Variants in CPNE2 observed in about 807,000 individuals in gnomAD.
CPNE2 encodes the protein copine 2, also known as copine-2.
Under a neutral mutation model 69.7 loss-of-function variants are expected in CPNE2, and 42 were observed. The observed-to-expected ratio is 0.60, with a 90% CI of 0.47 to 0.78. CPNE2 has a LOEUF of 0.78. CPNE2 is among the 30% of genes least tolerant of loss of function. The pLI is 0.00. For missense variants in CPNE2, 587 were observed against 732.0 expected, an observed-to-expected ratio of 0.80 and a Z score of 2.29; for synonymous variants, 294 against 289.8, an observed-to-expected ratio of 1.01 and a Z score of -0.15.
intron 4 of CPNE2, among the ~76,000 whole-genome samples, chr16:57,115,871 C>G (rs2069715577): frequency 6.6e-6 from 1 of 152,232 alleles, no homozygotes; most frequent in South Asian, 2.1e-4. Context: ...GCAATGATTC[C>G]TGCAATGCGC....
rs2305692 is a variant in CPNE2, at chr16:57,137,325, C to T, written c.1302+43C>T. 789 of 1,609,240 alleles carry T rather than the reference C, an allele frequency of 4.9e-4. 10 individuals are homozygous for T. In the East Asian group the frequency reaches 0.013, roughly 27 times the overall value. The stretch of plus-strand genomic sequence containing the variant: ...AGCCAGTCATGCCAGGAAACACGCA[C>T]GTCCTCTGGGCTGGGGGGCAGGATA... On this transcript the variant is annotated intron_variant, in intron 14 of 15. Transcript: ENST00000290776.
chr16:57,122,905 CTTTTT>C (rs34556326), intron 9 of CPNE2, among the ~76,000 whole-genome samples: 1 of 145,586 alleles, frequency 6.9e-6, no homozygotes, highest in Non-Finnish European at 1.5e-5. Context: ...TTTCTTTTCT[CTTTTT>C]TTTTTTTTTT....
chr16:57,101,351 G>A (rs1403247761), intron 1 of CPNE2, among the ~76,000 whole-genome samples: 1 of 152,228 alleles, frequency 6.6e-6, no homozygotes, highest in Non-Finnish European at 1.5e-5. Context: ...GAAATGGGAT[G>A]AAGGAGGCAA....
chr16:57,107,423 G>A (rs1025612744), intron 1 of CPNE2, among the ~76,000 whole-genome samples: 2 of 152,170 alleles, frequency 1.3e-5, no homozygotes, highest in East Asian at 3.9e-4. Context: ...GGGGAAGCTG[G>A]GAGGTCTCCG....
At chr16:57,117,811 C>T (rs1340488453) in intron 5 of CPNE2, among the ~76,000 whole-genome samples, 17 of 152,170 alleles carry the variant, frequency 1.1e-4, no homozygotes, top group African/African-American at 4.1e-4. Context: ...CCCCATCTCA[C>T]TTAGTGTAAG....
intron 14 of CPNE2, chr16:57,145,811 G>A: frequency 2.1e-6 from 1 of 481,392 alleles, no homozygotes; most frequent in Non-Finnish European, 3.8e-6. Context: ...GGCTCTCAGA[G>A]GCCCCAAGGG....
intron 13 of CPNE2, among the ~76,000 whole-genome samples, chr16:57,136,577 T>G (rs1036921390): frequency 6.6e-6 from 1 of 152,064 alleles, no homozygotes; most frequent in African/African-American, 2.4e-5. Flanking sequence ...AGACGTAGCC[T>G]CAGAAAGATT....
chr16:57,145,201 G>A (rs2069948518), intron 14 of CPNE2, among the ~76,000 whole-genome samples: 1 of 152,168 alleles, frequency 6.6e-6, no homozygotes, highest in African/African-American at 2.4e-5. Context: ...CTGTACAATG[G>A]TATTAAAGCC....
At chr16:57,125,143 C>T (rs947763158) in intron 10 of CPNE2, 5 of 359,378 alleles carry the variant, frequency 1.4e-5, no homozygotes, top group Non-Finnish European at 2.8e-5. Context: ...TTCTTGCCTA[C>T]CCCTCTGTGC....
At chr16:57,138,493 G>A (rs1382796450) in intron 14 of CPNE2, among the ~76,000 whole-genome samples, 3 of 152,060 alleles carry the variant, frequency 2.0e-5, no homozygotes, top group South Asian at 2.1e-4. Flanking sequence ...TTACCGACCC[G>A]ATCACTGACT....
At chr16:57,138,123 A>T (rs1397581392) in intron 14 of CPNE2, among the ~76,000 whole-genome samples, 2 of 152,222 alleles carry the variant, frequency 1.3e-5, no homozygotes, top group Non-Finnish European at 2.9e-5. Context: ...TCAGGCACCC[A>T]GCCCAGATGC....
intron 13 of CPNE2, 114 bp downstream of exon 13, chr16:57,134,940 C>G: frequency 1.8e-6 from 2 of 1,141,484 alleles, no homozygotes; most frequent in Middle Eastern, 2.0e-4. Flanking sequence ...TCCCCTCCCC[C>G]TTACTGTTGC....
At chr16:57,113,535 T>G in intron 3 of CPNE2, 68 bp downstream of exon 3, 1 of 1,491,680 alleles carries the variant, frequency 6.7e-7, no homozygotes. Context: ...AAGTCTCTTC[T>G]CGTGCTGTCT....
chr16:57,118,346 T>C (rs1270278402), intron 5 of CPNE2, among the ~76,000 whole-genome samples: 1 of 148,870 alleles, frequency 6.7e-6, no homozygotes, highest in African/African-American at 2.5e-5. Flanking sequence ...TTTTTTTTTT[T>C]GTACTTTTAG....
chr16:57,107,106 C>G (rs1026658694), intron 1 of CPNE2, among the ~76,000 whole-genome samples: 2 of 152,196 alleles, frequency 1.3e-5, no homozygotes, highest in African/African-American at 4.8e-5. Flanking sequence ...GGAAGGCGCT[C>G]TCAGCCACAC....
chr16:57,131,470 G>A (rs546450604), intron 12 of CPNE2, among the ~76,000 whole-genome samples: 1 of 152,250 alleles, frequency 6.6e-6, no homozygotes, highest in Non-Finnish European at 1.5e-5. Flanking sequence ...ATGCCATTCG[G>A]GGGGCAGGGC....
intron 1 of CPNE2, among the ~76,000 whole-genome samples, chr16:57,098,627 C>T (rs1285172215): frequency 6.6e-6 from 1 of 152,148 alleles, no homozygotes; most frequent in African/African-American, 2.4e-5. Flanking sequence ...CTCTGAAATC[C>T]CAGAATTCCC....
intron 14 of CPNE2, among the ~76,000 whole-genome samples, chr16:57,138,843 C>G (rs1334452203): frequency 1.3e-5 from 2 of 152,182 alleles, no homozygotes; most frequent in African/African-American, 4.8e-5. Flanking sequence ...CAGTCAGAGC[C>G]TCCTCCCCCA....
intron 12 of CPNE2, among the ~76,000 whole-genome samples, chr16:57,128,332 C>T (rs895199231): frequency 6.6e-6 from 1 of 152,140 alleles, no homozygotes; most frequent in Admixed American, 6.5e-5. Context: ...CAGGTTCAAA[C>T]AATTCTCCTG....
Sources: gnomAD v4.1 joint callset for allele counts (sites outside exome capture counted in the v4.1 genomes callset) on GRCh38, gnomAD v4.1.1 for gene constraint, MANE v1.5 for transcripts, NCBI Gene and HGNC (gene_info 2026-07-23, HGNC 2026-07-21) for gene names.